Variants in MAP3K20 observed in about 807,000 individuals in gnomAD.
MAP3K20 encodes the protein HCCS-4.
A neutral mutation model predicts 85.7 loss-of-function variants in MAP3K20; 40 were observed. The observed-to-expected ratio is 0.47, with a 90% CI of 0.36 to 0.61. MAP3K20 has a LOEUF of 0.61. Among genes scored for constraint, MAP3K20 ranks in the 20% least tolerant of loss-of-function variants. MAP3K20 has a pLI of 0.00. For synonymous variants in MAP3K20, 325 were observed against 327.7 expected, an observed-to-expected ratio of 0.99 and a Z score of 0.09; for missense variants, 817 against 961.7, an observed-to-expected ratio of 0.85 and a Z score of 1.99.
chr2:173,170,722 A>G (rs1689975107), intron 3 of MAP3K20, among the ~76,000 whole-genome samples: 1 of 152,246 alleles, frequency 6.6e-6, no homozygotes, highest in South Asian at 2.1e-4. Flanking sequence ...CTTTCTATAA[A>G]TTATCTCATC....
chr2:173,222,495 A>G, intron 11 of MAP3K20: 1 of 985,844 alleles, frequency 1.0e-6, no homozygotes, highest in Non-Finnish European at 1.2e-6. Context: ...CTTGTGCTTT[A>G]TACAAAGAGA....
At chr2:173,157,351 CTA>C (rs1387708902) in intron 2 of MAP3K20, among the ~76,000 whole-genome samples, 2 of 141,900 alleles carry the variant, frequency 1.4e-5, no homozygotes, top group Admixed American at 7.1e-5. Flanking sequence ...ATTAATAAAA[CTA>C]AAACTATCTG....
intron 16 of MAP3K20, among the ~76,000 whole-genome samples, chr2:173,240,621 C>A (rs566489673): frequency 6.6e-6 from 1 of 152,264 alleles, no homozygotes; most frequent in African/African-American, 2.4e-5. Flanking sequence ...CAAATCAAAA[C>A]CACAATGAGA....
intron 3 of MAP3K20, among the ~76,000 whole-genome samples, chr2:173,172,817 T>C (rs1159316453): frequency 6.6e-6 from 1 of 151,896 alleles, no homozygotes; most frequent in East Asian, 1.9e-4. Context: ...TTTTTTTTTT[T>C]GAGACGGAGT....
At chr2:173,096,634 G>A (rs546695740) in intron 2 of MAP3K20, among the ~76,000 whole-genome samples, 35 of 152,224 alleles carry the variant, frequency 2.3e-4, no homozygotes, top group African/African-American at 6.7e-4. Context: ...CACTGCACCC[G>A]GCCAATCTAG....
At chr2:173,248,908 A>G (rs1304026299) in intron 16 of MAP3K20, among the ~76,000 whole-genome samples, 2 of 152,192 alleles carry the variant, frequency 1.3e-5, no homozygotes, top group Non-Finnish European at 2.9e-5. Context: ...ATAAATTACA[A>G]GCACATTATT....
intron 19 of MAP3K20, among the ~76,000 whole-genome samples, chr2:173,265,389 TCTTAA>T (rs1172580217): frequency 2.0e-5 from 3 of 152,258 alleles, no homozygotes; most frequent in African/African-American, 7.2e-5. Flanking sequence ...TTTTCTTTTA[TCTTAA>T]CTTCTTCCTA....
chr2:173,095,917 TATG>T (rs1436554282), intron 2 of MAP3K20, among the ~76,000 whole-genome samples: 1 of 152,242 alleles, frequency 6.6e-6, no homozygotes, highest in Admixed American at 6.5e-5. Context: ...CATATTTTCC[TATG>T]ATGATTTTAC....
At chr2:173,261,348 T>C (rs1215682684) in intron 18 of MAP3K20, among the ~76,000 whole-genome samples, 1 of 152,214 alleles carries the variant, frequency 6.6e-6, no homozygotes, top group African/African-American at 2.4e-5. Context: ...CTTACCCAGA[T>C]AGCGACTGAG....
intron 16 of MAP3K20, among the ~76,000 whole-genome samples, chr2:173,242,107 T>C (rs901020472): frequency 6.6e-6 from 1 of 151,644 alleles, no homozygotes; most frequent in African/African-American, 2.4e-5. Flanking sequence ...GGCTTGTAGG[T>C]GGTAAAAGAA....
chr2:173,235,219 A>C (rs1357882322), intron 14 of MAP3K20, among the ~76,000 whole-genome samples: 2 of 152,246 alleles, frequency 1.3e-5, no homozygotes, highest in African/African-American at 2.4e-5. Context: ...GCCAAGAGGC[A>C]GGGGCTTGAG....
At chr2:173,093,701 T>A (rs1687369987) in intron 2 of MAP3K20, among the ~76,000 whole-genome samples, 1 of 152,122 alleles carries the variant, frequency 6.6e-6, no homozygotes, top group Admixed American at 6.6e-5. Flanking sequence ...GTATGTTTAT[T>A]GCAGCATTAT....
intron 11 of MAP3K20, among the ~76,000 whole-genome samples, chr2:173,218,081 A>G (rs1684129866): frequency 6.6e-6 from 1 of 152,178 alleles, no homozygotes; most frequent in African/African-American, 2.4e-5. Context: ...GTAATGGTAG[A>G]TTAAAAGTAA....
intron 2 of MAP3K20, among the ~76,000 whole-genome samples, chr2:173,096,344 CTTTTT>C (rs11389136): frequency 1.4e-5 from 2 of 144,616 alleles, no homozygotes; most frequent in African/African-American, 5.1e-5. Context: ...TTCTTTTTTC[CTTTTT>C]TTTTTTTTGA....
chr2:173,097,387 A>G (rs1687494461), intron 2 of MAP3K20, among the ~76,000 whole-genome samples: 1 of 152,056 alleles, frequency 6.6e-6, no homozygotes, highest in Non-Finnish European at 1.5e-5. Context: ...ACAAAACACA[A>G]TTAATCACAG....
At chr2:173,224,861 A>G in intron 11 of MAP3K20, 6 of 985,258 alleles carry the variant, frequency 6.1e-6, no homozygotes, top group Non-Finnish European at 7.2e-6. Context: ...CATATGCAGA[A>G]TTTCTAATGA....
At chr2:173,190,640 CCTTT>C (rs892945099) in intron 5 of MAP3K20, among the ~76,000 whole-genome samples, 4 of 152,196 alleles carry the variant, frequency 2.6e-5, no homozygotes, top group African/African-American at 9.6e-5. Flanking sequence ...CTAATTTGTG[CCTTT>C]CTTACTGGAC....
chr2:173,238,403 A>C lies in MAP3K20; in HGVS notation c.1234A>C (p.Ile412Leu), dbSNP rs759941594. 19 of 1,613,192 alleles carry C rather than the reference A, an allele frequency of 1.2e-5. No individual in the cohort carries two copies. Among genetic ancestry groups the C allele is most frequent in the Non-Finnish European group, 1.6e-5 (19 of 1,179,654 alleles). The change falls in exon 15 of 20, where the codon ATA (isoleucine) becomes CTA (leucine). Residue 412 changes from isoleucine (I) to leucine (L), a missense_variant. Around this residue, in one of 4 missense-constraint regions of MAP3K20, gnomAD observed 454 missense variants for 476.9 expected, o/e 0.95. Coordinates refer to ENST00000375213, the MANE Select transcript of MAP3K20 (RefSeq NM_016653.3). ...SAIEKLTHDY[I>L]NLFHFPPLIK... ...CATTGAGAAATTAACCCATGATTAC[A>C]TAAATTTGTTTCACTTCCCACCACT... is the stretch of plus-strand genomic sequence containing the variant.
At chr2:173,184,902 GAA>G (rs34825874) in intron 4 of MAP3K20, among the ~76,000 whole-genome samples, 1,895 of 143,674 alleles carry the variant, frequency 0.013, 36 homozygotes, top group African/African-American at 0.043. Flanking sequence ...ACTCAGTCTA[GAA>G]AAAAAAAAAA....
Sources: allele counts gnomAD v4.1 joint callset (sites outside exome capture counted in the v4.1 genomes callset), GRCh38; gene constraint gnomAD v4.1.1; regional missense constraint gnomAD v4.1.1; transcripts MANE v1.5; gene names NCBI Gene and HGNC (gene_info 2026-07-23, HGNC 2026-07-21).